The following GABRG3 variants were observed in gnomAD, a reference collection of about 807,000 sequenced individuals.
GABRG3 encodes gamma-aminobutyric acid receptor subunit gamma-3.
Under a neutral mutation model 48.8 loss-of-function variants are expected in GABRG3, and 25 were observed. The ratio of observed to expected loss-of-function variants is 0.51; its 90% CI spans 0.37 to 0.72. The LOEUF (loss-of-function observed/expected upper bound fraction) is 0.72. Ranked by LOEUF, GABRG3 falls within the 30% of genes least tolerant of loss-of-function variation. The pLI is 0.00. For synonymous variants in GABRG3, 227 were observed against 217.6 expected, an observed-to-expected ratio of 1.04 and a Z score of -0.38; for missense variants, 394 against 577.9, an observed-to-expected ratio of 0.68 and a Z score of 3.26.
intron 2 of GABRG3, among the ~76,000 whole-genome samples, chr15:26,989,749 T>A (rs1895214238): frequency 6.6e-6 from 1 of 152,126 alleles, no homozygotes; most frequent in Non-Finnish European, 1.5e-5. Flanking sequence ...TTCTTTTATA[T>A]TCATTAACTG....
chr15:27,363,138 C>T (rs1895077572), intron 5 of GABRG3: 1 of 152,196 alleles, frequency 6.6e-6, no homozygotes, highest in African/African-American at 2.4e-5. Context: ...GACTCAACAT[C>T]CCCACATTTC....
intron 5 of GABRG3, among the ~76,000 whole-genome samples, chr15:27,380,401 G>A (rs773416836): frequency 6.7e-6 from 1 of 148,736 alleles, no homozygotes; most frequent in Non-Finnish European, 1.5e-5. Context: ...TGTCTTTTCT[G>A]TTTATTTAAA....
intron 2 of GABRG3, among the ~76,000 whole-genome samples, chr15:27,023,715 T>A (rs1895937606): frequency 6.6e-6 from 1 of 152,278 alleles, no homozygotes; most frequent in African/African-American, 2.4e-5. Flanking sequence ...CATTTGTCGA[T>A]GAGCACTTGA....
intron 3 of GABRG3, among the ~76,000 whole-genome samples, chr15:27,114,342 C>A (rs904041841): frequency 6.6e-6 from 1 of 152,138 alleles, no homozygotes; most frequent in African/African-American, 2.4e-5. Flanking sequence ...TATGTTTAAG[C>A]TATAATACAT....
At chr15:27,506,055 G>T (rs1890752034) in intron 6 of GABRG3, among the ~76,000 whole-genome samples, 1 of 152,110 alleles carries the variant, frequency 6.6e-6, no homozygotes, top group Non-Finnish European at 1.5e-5. Flanking sequence ...ATTCAGCATT[G>T]TTCCCTTACC....
At chr15:27,477,677 A>G (rs1460515724) in intron 5 of GABRG3, among the ~76,000 whole-genome samples, 1 of 152,156 alleles carries the variant, frequency 6.6e-6, no homozygotes, top group Admixed American at 6.6e-5. Context: ...GGGGGTATAC[A>G]GGAAATCTCT....
At chr15:27,159,442 A>G (rs543261363) in intron 3 of GABRG3, among the ~76,000 whole-genome samples, 1 of 152,064 alleles carries the variant, frequency 6.6e-6, no homozygotes, top group East Asian at 1.9e-4. Flanking sequence ...AGATTGCGCC[A>G]CTGCACTTCA....
chr15:27,111,880 A>G (rs1897555626), intron 3 of GABRG3, among the ~76,000 whole-genome samples: 1 of 152,124 alleles, frequency 6.6e-6, no homozygotes, highest in Non-Finnish European at 1.5e-5. Flanking sequence ...GGATTTTCAC[A>G]GTTCAGCTCT....
intron 2 of GABRG3, among the ~76,000 whole-genome samples, chr15:27,024,247 C>T (rs893757835): frequency 6.6e-6 from 1 of 152,174 alleles, no homozygotes; most frequent in Non-Finnish European, 1.5e-5. Context: ...TATTTTCTCC[C>T]ACTCAATGGG....
At chr15:27,231,027 G>C (rs1316453616) in intron 3 of GABRG3, among the ~76,000 whole-genome samples, 1 of 151,692 alleles carries the variant, frequency 6.6e-6, no homozygotes, top group East Asian at 1.9e-4. Context: ...GTGTGTGTGT[G>C]TGTGTGTGTG....
At chr15:27,218,856 A>G (rs983469940) in intron 3 of GABRG3, among the ~76,000 whole-genome samples, 1 of 152,184 alleles carries the variant, frequency 6.6e-6, no homozygotes, top group African/African-American at 2.4e-5. Context: ...CCACAGTATG[A>G]TAAAGGCTCT....
chr15:27,441,089 T>C (rs1372059760), intron 5 of GABRG3, among the ~76,000 whole-genome samples: 2 of 152,204 alleles, frequency 1.3e-5, no homozygotes, highest in African/African-American at 4.8e-5. Context: ...GGGTTGTTGT[T>C]TGTTTTTAAA....
chr15:27,022,135 C>T (rs1406730862), intron 2 of GABRG3, among the ~76,000 whole-genome samples: 2 of 152,098 alleles, frequency 1.3e-5, no homozygotes, highest in African/African-American at 4.8e-5. Flanking sequence ...TTTTTTTCTA[C>T]CCTTTTCTTC....
intron 5 of GABRG3, chr15:27,341,043 C>T (rs1894158214): frequency 2.1e-6 from 1 of 475,782 alleles, no homozygotes; most frequent in African/African-American, 2.0e-5. Context: ...ACTTCAGAGG[C>T]CTGAAAGCTT....
intron 3 of GABRG3, among the ~76,000 whole-genome samples, chr15:27,192,832 C>G (rs1382582969): frequency 1.3e-5 from 2 of 151,980 alleles, no homozygotes; most frequent in East Asian, 3.9e-4. Flanking sequence ...CTGTTTTTTC[C>G]CCATCTTTGT....
intron 3 of GABRG3, among the ~76,000 whole-genome samples, chr15:27,027,946 A>G (rs1053751731): frequency 3.9e-5 from 6 of 152,172 alleles, no homozygotes; most frequent in Non-Finnish European, 8.8e-5. Context: ...TACGTCTAAC[A>G]TGTGTTTATG....
intron 5 of GABRG3, among the ~76,000 whole-genome samples, chr15:27,459,516 A>G (rs1054595565): frequency 2.0e-5 from 3 of 152,244 alleles, no homozygotes; most frequent in African/African-American, 7.2e-5. Context: ...TCATGTGCTC[A>G]TATTAAGTGT....
chr15:27,128,230 A>G (rs754775918), intron 3 of GABRG3, among the ~76,000 whole-genome samples: 2 of 152,184 alleles, frequency 1.3e-5, no homozygotes, highest in Admixed American at 6.5e-5. Flanking sequence ...GTTATTGCGA[A>G]TAGTGCTTGG....
intron 3 of GABRG3, among the ~76,000 whole-genome samples, chr15:27,302,321 C>G (rs1892239367): frequency 6.6e-6 from 1 of 151,974 alleles, no homozygotes; most frequent in African/African-American, 2.4e-5. Context: ...AATACTCAGT[C>G]TAAGCAGATT....
Sources: allele counts gnomAD v4.1 joint callset (sites outside exome capture counted in the v4.1 genomes callset), GRCh38; gene constraint gnomAD v4.1.1; transcripts MANE v1.5; gene names NCBI Gene and HGNC (gene_info 2026-07-23, HGNC 2026-07-21).